NAE1: variants seen among roughly 807,000 people sequenced by gnomAD.
NAE1 encodes the protein NEDD8 activating enzyme E1 subunit 1.
In NAE1, 59 loss-of-function variants were observed where a neutral mutation model predicts 88.0. That is an observed-to-expected ratio of 0.67 (90% CI 0.54 to 0.83). NAE1 has a LOEUF of 0.83. Ranked by LOEUF, NAE1 falls within the 40% of genes least tolerant of loss-of-function variation. NAE1 has a pLI of 0.00. For missense variants in NAE1, 554 were observed against 632.8 expected (o/e 0.88, Z 1.34); for synonymous variants, 186 against 208.9 (o/e 0.89, Z 0.95).
intron 1 of NAE1, among the ~76,000 whole-genome samples, chr16:66,829,433 G>A (rs1472555470): frequency 6.6e-6 from 1 of 152,134 alleles, no homozygotes; most frequent in Non-Finnish European, 1.5e-5. Flanking sequence ...TTACATCCTG[G>A]CTCAAAGATA....
chr16:66,828,015 CT>C, intron 1 of NAE1: 1 of 1,613,986 alleles, frequency 6.2e-7, no homozygotes, highest in Non-Finnish European at 8.5e-7. Context: ...GAGCATCCAT[CT>C]TTCCACTCCA....
intron 1 of NAE1, chr16:66,828,098 G>T: frequency 6.4e-7 from 1 of 1,566,208 alleles, no homozygotes; most frequent in Non-Finnish European, 8.8e-7. Context: ...CAGATGGACC[G>T]TAAACGCCTG....
chr16:66,814,328 A>G (rs549384201), intron 11 of NAE1, among the ~76,000 whole-genome samples: 59 of 152,302 alleles, frequency 3.9e-4, no homozygotes, highest in Middle Eastern at 3.4e-3. Context: ...ACAATGGCTC[A>G]TATCTATAAT....
intron 11 of NAE1, 78 bp downstream of exon 11, chr16:66,816,503 T>C (rs1321905168): frequency 2.0e-6 from 2 of 1,023,354 alleles, no homozygotes; most frequent in Non-Finnish European, 1.5e-6. Flanking sequence ...ACTTAAATCA[T>C]TATAGTCAAC....
intron 1 of NAE1, among the ~76,000 whole-genome samples, chr16:66,829,155 C>A (rs1432712471): frequency 6.6e-6 from 1 of 152,168 alleles, no homozygotes; most frequent in Non-Finnish European, 1.5e-5. Flanking sequence ...TTTGACACTT[C>A]AAAACCAGTT....
chr16:66,826,299 G>C, intron 3 of NAE1: 1 of 544,500 alleles, frequency 1.8e-6, no homozygotes, highest in Non-Finnish European at 3.3e-6. Flanking sequence ...CTACTCCTTT[G>C]TATTAATAAC....
intron 17 of NAE1, 121 bp downstream of exon 17, chr16:66,808,400 G>A: frequency 1.4e-6 from 1 of 714,032 alleles, no homozygotes; most frequent in South Asian, 2.1e-5. Context: ...AACGTTTGGG[G>A]TGTAATCTGT....
chr16:66,829,667 C>G (rs1410898848), intron 1 of NAE1, among the ~76,000 whole-genome samples: 11 of 152,158 alleles, frequency 7.2e-5, no homozygotes, highest in Non-Finnish European at 1.6e-4. Context: ...GCTTTGTTAT[C>G]TCCACAGCCT....
intron 3 of NAE1, among the ~76,000 whole-genome samples, chr16:66,825,298 T>C (rs1381340903): frequency 6.6e-6 from 1 of 151,834 alleles, no homozygotes; most frequent in Non-Finnish European, 1.5e-5. Context: ...ATACAAAAAA[T>C]TAGCCGGGCG....
rs116548565 is a variant in NAE1 at position 66,805,146 on chromosome 16, G to A, written c.1495+631C>T. ...TAGGCACAGAGGAGCAAAGATCTAG[G>A]AGCAGGAAATCAAAGGGCATCCTGG... On this transcript the variant is annotated intron_variant, in intron 19 of 19. Coordinates refer to ENST00000290810, the MANE Select transcript of NAE1 (RefSeq NM_003905.4). Among the ~76,000 whole-genome samples, 120 of 152,176 alleles carry A rather than the reference G, an allele frequency of 7.9e-4. 1 individual carries two copies. The highest frequency in any genetic ancestry group is 2.7e-3 in the African/African-American group (113 of 41,514).
intron 14 of NAE1, 73 bp from the exon 15 acceptor site, chr16:66,810,486 A>G: frequency 7.3e-7 from 1 of 1,376,860 alleles, no homozygotes; most frequent in South Asian, 1.2e-5. Context: ...CACAAAGCCA[A>G]TCACTGTGAG....
At chr16:66,814,293 G>A (rs536897881) in intron 11 of NAE1, among the ~76,000 whole-genome samples, 7 of 151,988 alleles carry the variant, frequency 4.6e-5, no homozygotes, top group Non-Finnish European at 8.8e-5. Context: ...ATCTTCATAC[G>A]TTAATCAAGA....
Position 66,806,051 on chromosome 16 carries a change from TA to T in NAE1, c.1331-26del, listed in dbSNP as rs760168212. 10 of 1,586,028 alleles carry T rather than the reference TA, an allele frequency of 6.3e-6. No individual in the cohort carries two copies. In the South Asian group the frequency reaches 1.2e-4, roughly 18 times the overall value. On this transcript the variant is annotated intron_variant, in intron 17 of 19. Coordinates refer to ENST00000290810, the MANE Select transcript of NAE1 (RefSeq NM_003905.4). The stretch of plus-strand genomic sequence containing the variant: ...CCTAAAAATAAAAGTTAGTTTTCAT[TA>T]AAATAAATGTGATTCAAAATTAATG...
intron 17 of NAE1, among the ~76,000 whole-genome samples, chr16:66,807,297 A>T (rs1959602472): frequency 6.6e-6 from 1 of 152,138 alleles, no homozygotes; most frequent in Non-Finnish European, 1.5e-5. Context: ...AAAGCAATAC[A>T]TATTTGGTGT....
intron 17 of NAE1, among the ~76,000 whole-genome samples, chr16:66,808,181 C>T (rs1055832977): frequency 1.3e-5 from 2 of 152,116 alleles, no homozygotes; most frequent in African/African-American, 2.4e-5. Flanking sequence ...CGTGAGCCAC[C>T]GTACTATGCC....
chr16:66,813,483 G>A, intron 13 of NAE1, 81 bp downstream of exon 13: 2 of 1,462,978 alleles, frequency 1.4e-6, no homozygotes, highest in Non-Finnish European at 1.8e-6. Context: ...ACTTTCATTT[G>A]ATTTCTGACA....
At chr16:66,811,339 G>A (rs1425500362) in intron 13 of NAE1, among the ~76,000 whole-genome samples, 1 of 151,912 alleles carries the variant, frequency 6.6e-6, no homozygotes, top group Non-Finnish European at 1.5e-5. Context: ...TGTCTTTTTT[G>A]TAGAGACGGA....
intron 14 of NAE1, 72 bp from the exon 15 acceptor site, chr16:66,810,485 A>T: frequency 7.3e-7 from 1 of 1,373,276 alleles, no homozygotes; most frequent in Admixed American, 2.0e-5. Flanking sequence ...GCACAAAGCC[A>T]ATCACTGTGA....
intron 8 of NAE1, 113 bp downstream of exon 8, chr16:66,818,415 G>A: frequency 1.4e-6 from 1 of 738,390 alleles, no homozygotes; most frequent in Non-Finnish European, 2.1e-6. Context: ...TAATCGGGAT[G>A]ACAGGAATAT....
Sources: gnomAD v4.1 joint callset for allele counts (sites outside exome capture counted in the v4.1 genomes callset) on GRCh38, gnomAD v4.1.1 for gene constraint, MANE v1.5 for transcripts, NCBI Gene and HGNC (gene_info 2026-07-23, HGNC 2026-07-21) for gene names.